Variants in RBFOX1 observed in about 807,000 individuals in gnomAD.
RBFOX1 encodes the protein RNA binding protein fox-1 homolog 1.
In RBFOX1, 8 loss-of-function variants were observed where a neutral mutation model predicts 57.7. The ratio of observed to expected loss-of-function variants is 0.14; its 90% confidence interval spans 0.08 to 0.25. The LOEUF is 0.25. RBFOX1 is among the 10% of genes least tolerant of loss of function. RBFOX1 has a pLI of 1.00. For missense variants in RBFOX1, 611 were observed against 548.5 expected (o/e 1.11, Z -1.14); for synonymous variants, 326 against 222.4 (o/e 1.47, Z -4.15).
chr16:6,932,662 C>T (rs897472907), intron 3 of RBFOX1, among the ~76,000 whole-genome samples: 1 of 152,130 alleles, frequency 6.6e-6, no homozygotes, highest in Non-Finnish European at 1.5e-5. Flanking sequence ...AGAGTTGCAC[C>T]AGATTCTGAA....
chr16:7,120,972 T>A (rs2067044767), intron 4 of RBFOX1, among the ~76,000 whole-genome samples: 1 of 151,808 alleles, frequency 6.6e-6, no homozygotes, highest in East Asian at 1.9e-4. Context: ...AAAAAATCAA[T>A]GTTATGTACC....
chr16:5,605,118 G>A (rs919259664), downstream of RBFOX1, among the ~76,000 whole-genome samples: 5 of 152,162 alleles, frequency 3.3e-5, no homozygotes, highest in African/African-American at 1.2e-4. Context: ...TTCTGCTCTG[G>A]CTTCTAGTTG....
chr16:6,854,202 C>G (rs938869685), intron 3 of RBFOX1, among the ~76,000 whole-genome samples: 4 of 152,118 alleles, frequency 2.6e-5, no homozygotes, highest in African/African-American at 9.7e-5. Context: ...TTAGACAGAG[C>G]TTGCATTCAT....
intron 2 of RBFOX1, among the ~76,000 whole-genome samples, chr16:6,450,802 T>TATAC (rs2094586432): frequency 9.8e-5 from 1 of 10,218 alleles, no homozygotes; most frequent in South Asian, 2.6e-3. Flanking sequence ...TATATATATG[T>TATAC]ATATATATAT....
At position 7,396,047 on chromosome 16, in the gene RBFOX1, A is replaced by G. The variant is rs964409862; in HGVS notation, c.28-122100A>G. 3.3e-5 allele frequency among the ~76,000 whole-genome samples: 5 copies of G among 152,150 alleles called. No homozygotes were observed. The South Asian group carries it at 1.0e-3, about 32-fold the overall frequency. Reference sequence around the variant, plus strand: ...GAGGAGGCTCTTTCTGGGACACTGAATTCATGAATGGTGGGTTCTGGATTC... The same window carrying G: ...GAGGAGGCTCTTTCTGGGACACTGAGTTCATGAATGGTGGGTTCTGGATTC... On this transcript the variant is annotated intron_variant, in intron 4 of 15. Transcript: ENST00000550418.
At chr16:6,116,495 G>C (rs139431497) in intron 1 of RBFOX1, among the ~76,000 whole-genome samples, 1 of 152,196 alleles carries the variant, frequency 6.6e-6, no homozygotes, top group Non-Finnish European at 1.5e-5. Context: ...ATGCATTGCA[G>C]TGGAGATTTT....
chr16:5,606,362 A>G (rs916857072), intron 3 of RBFOX1, among the ~76,000 whole-genome samples: 3 of 151,954 alleles, frequency 2.0e-5, no homozygotes, highest in Non-Finnish European at 2.9e-5. Flanking sequence ...CCATTCATCC[A>G]TAGTCATCAG....
At chr16:7,555,228 T>C (rs2087956666) in intron 5 of RBFOX1, among the ~76,000 whole-genome samples, 1 of 152,206 alleles carries the variant, frequency 6.6e-6, no homozygotes, top group Non-Finnish European at 1.5e-5. Context: ...TTTTCTCCTT[T>C]GTTAAAAGCC....
chr16:7,142,255 C>T (rs116085726), intron 4 of RBFOX1, among the ~76,000 whole-genome samples: 1,979 of 152,206 alleles, frequency 0.013, 57 homozygotes, highest in African/African-American at 0.045. Flanking sequence ...ATCTGCTGAG[C>T]TCAAGCAATC....
At chr16:5,809,076 G>C (rs1377387652) in intron 3 of RBFOX1, among the ~76,000 whole-genome samples, 1 of 152,168 alleles carries the variant, frequency 6.6e-6, no homozygotes, top group African/African-American at 2.4e-5. Flanking sequence ...ATGGGGAAAG[G>C]ATTCCCTACT....
chr16:5,562,709 G>A (rs1290325384), intron 2 of RBFOX1, among the ~76,000 whole-genome samples: 2 of 152,042 alleles, frequency 1.3e-5, no homozygotes, highest in African/African-American at 2.4e-5. Flanking sequence ...TTCTGGTATG[G>A]GTGCCTCTCT....
At chr16:7,601,162 G>A (rs568206689) in intron 9 of RBFOX1, among the ~76,000 whole-genome samples, 6 of 152,146 alleles carry the variant, frequency 3.9e-5, no homozygotes, top group Non-Finnish European at 7.3e-5. Context: ...CATATTCAGC[G>A]CTCCAGAGAG....
chr16:7,403,955 G>T (rs994685636), intron 4 of RBFOX1, among the ~76,000 whole-genome samples: 1 of 149,912 alleles, frequency 6.7e-6, no homozygotes, highest in African/African-American at 2.4e-5. Context: ...ATTTGTTAAT[G>T]GGTGCTTAAG....
At chr16:6,413,704 A>T (rs995953327) in intron 2 of RBFOX1, among the ~76,000 whole-genome samples, 1 of 152,222 alleles carries the variant, frequency 6.6e-6, no homozygotes, top group African/African-American at 2.4e-5. Context: ...TTTTGATGTG[A>T]CTACTGGAAG....
At chr16:6,991,658 G>A (rs1276657973) in intron 3 of RBFOX1, among the ~76,000 whole-genome samples, 3 of 152,022 alleles carry the variant, frequency 2.0e-5, no homozygotes, top group East Asian at 3.9e-4. Flanking sequence ...TACCTCAGCT[G>A]TCCAAGTAGC....
intron 13 of RBFOX1, among the ~76,000 whole-genome samples, chr16:7,667,014 G>C (rs527500161): frequency 6.6e-6 from 1 of 152,154 alleles, no homozygotes; most frequent in Non-Finnish European, 1.5e-5. Flanking sequence ...CCCCCAGCCA[G>C]AAATTATCGT....
chr16:5,462,770 T>A (rs2068832584), intron 1 of RBFOX1, among the ~76,000 whole-genome samples: 1 of 152,172 alleles, frequency 6.6e-6, no homozygotes, highest in African/African-American at 2.4e-5. Flanking sequence ...ATTTGGCCTC[T>A]TCTGGAGTCC....
At chr16:5,553,049 G>T (rs951222406) in intron 2 of RBFOX1, among the ~76,000 whole-genome samples, 1 of 152,044 alleles carries the variant, frequency 6.6e-6, no homozygotes, top group African/African-American at 2.4e-5. Flanking sequence ...ACAAAACACC[G>T]CATGTTCTCA....
At position 5,279,566 on chromosome 16, in the gene RBFOX1, A is replaced by G. The variant is rs561897827; in HGVS notation, c.219+39461A>G. ...GCCCAGGCTGGAGTGCAGTGGTGCA[A>G]TCTTGGCTCACTGCAACCTCCGCCT... On this transcript the variant is annotated intron_variant, in intron 1 of 2. Transcript: ENST00000585867. Among the ~76,000 whole-genome samples the G allele has an allele frequency of 5.3e-5, 8 of 152,182 alleles. No homozygotes were observed. In the East Asian group the frequency reaches 7.7e-4, roughly 15 times the overall value.
Sources: allele counts gnomAD v4.1 joint callset (sites outside exome capture counted in the v4.1 genomes callset), GRCh38; gene constraint gnomAD v4.1.1; transcripts MANE v1.5; gene names NCBI Gene and HGNC (gene_info 2026-07-23, HGNC 2026-07-21).